Variants in PDE1A observed in about 807,000 individuals in gnomAD.
The protein encoded by PDE1A is dual specificity calcium/calmodulin-dependent 3',5'-cyclic nucleotide phosphodiesterase 1A.
A neutral mutation model predicts 61.7 loss-of-function variants in PDE1A; 35 were observed. The ratio of observed to expected loss-of-function variants is 0.57; its 90% CI spans 0.43 to 0.75. The LOEUF (loss-of-function observed/expected upper bound fraction) is 0.75, where lower values mean the gene tolerates loss of function less well. Among genes scored for constraint, PDE1A ranks in the 30% least tolerant of loss-of-function variants. The pLI is 0.00. For missense variants in PDE1A, 597 were observed against 630.6 expected (o/e 0.95, Z 0.57); for synonymous variants, 232 against 213.2 (o/e 1.09, Z -0.77).
chr2:182,333,704 G>T (rs2124971906), intron 1 of PDE1A, among the ~76,000 whole-genome samples: 1 of 152,208 alleles, frequency 6.6e-6, no homozygotes, highest in African/African-American at 2.4e-5. Context: ...TCAAAAGCTA[G>T]CAGAAGACAA....
the PDE1A span, among the ~76,000 whole-genome samples, chr2:182,546,464 C>T: frequency 1.1e-3 from 160 of 152,222 alleles, no homozygotes; most frequent in African/African-American, 3.6e-3. Flanking sequence ...TATCAGAGGG[C>T]TGTGCATCAA....
At chr2:182,275,820 T>A (rs1693369361) in intron 1 of PDE1A, among the ~76,000 whole-genome samples, 1 of 152,144 alleles carries the variant, frequency 6.6e-6, no homozygotes. Flanking sequence ...TTCTAAATGC[T>A]CTTTCAACCA....
intron 1 of PDE1A, among the ~76,000 whole-genome samples, chr2:182,334,002 C>T (rs979664378): frequency 1.2e-4 from 18 of 152,088 alleles, no homozygotes; most frequent in Non-Finnish European, 4.4e-5. Flanking sequence ...AATTCCTGGA[C>T]ACATACACTA....
rs549478306 is a variant in PDE1A, at chr2:182,487,600, A to T, written c.101+34676T>A. On this transcript the variant is annotated intron_variant, in intron 2 of 14. Coordinates refer to the PDE1A transcript ENST00000410103. ...TCAAAGGAATGAAGTTCTGATATCC[A>T]CTACAAAAACACTGAGAACTGCATA... Among the ~76,000 whole-genome samples, 84 of 152,296 alleles carry T rather than the reference A, an allele frequency of 5.5e-4. No homozygotes were observed. The South Asian group carries it at 0.017, about 31-fold the overall frequency.
intron 2 of PDE1A, among the ~76,000 whole-genome samples, chr2:182,517,109 G>A (rs1690251576): frequency 6.6e-6 from 1 of 152,118 alleles, no homozygotes; most frequent in Admixed American, 6.6e-5. Flanking sequence ...CTTTTCTGGT[G>A]TCTTCTGAGA....
At chr2:182,694,753 T>C in the PDE1A span, among the ~76,000 whole-genome samples, 1 of 143,474 alleles carries the variant, frequency 7.0e-6, no homozygotes, top group East Asian at 2.1e-4. Flanking sequence ...CCTGAGAAAA[T>C]GGATTATGGA....
the PDE1A span, among the ~76,000 whole-genome samples, chr2:182,651,842 G>C: frequency 6.6e-6 from 1 of 152,144 alleles, no homozygotes; most frequent in African/African-American, 2.4e-5. Context: ...TCACAAGGCT[G>C]TGATGGCAGG....
At chr2:182,206,322 C>T (rs1344560089) in intron 7 of PDE1A, among the ~76,000 whole-genome samples, 1 of 152,180 alleles carries the variant, frequency 6.6e-6, no homozygotes, top group African/African-American at 2.4e-5. Context: ...TCTTCTACCA[C>T]ACATGCGTAA....
At chr2:182,158,926 T>C (rs756032901) in intron 13 of PDE1A, among the ~76,000 whole-genome samples, 3 of 152,140 alleles carry the variant, frequency 2.0e-5, no homozygotes, top group African/African-American at 7.2e-5. Flanking sequence ...TCAAATACTT[T>C]AGTTATACAT....
chr2:182,645,583 G>C, the PDE1A span, among the ~76,000 whole-genome samples: 141 of 152,130 alleles, frequency 9.3e-4, 1 homozygote, highest in Non-Finnish European at 1.5e-3. Context: ...GAGCTTGTCA[G>C]ATATTCAGAT....
chr2:182,352,790 CA>C (rs1367696012), intron 1 of PDE1A, among the ~76,000 whole-genome samples: 1 of 151,064 alleles, frequency 6.6e-6, no homozygotes, highest in Non-Finnish European at 1.5e-5. Context: ...ATTTTGTAAA[CA>C]AAACACAACT....
At chr2:182,437,172 G>A (rs549717835) in intron 2 of PDE1A, among the ~76,000 whole-genome samples, 17 of 151,888 alleles carry the variant, frequency 1.1e-4, no homozygotes, top group Middle Eastern at 3.4e-3. Context: ...GAACAAAAGT[G>A]GATAAACAAA....
the PDE1A span, among the ~76,000 whole-genome samples, chr2:182,707,916 T>G: frequency 6.6e-6 from 1 of 152,076 alleles, no homozygotes; most frequent in Non-Finnish European, 1.5e-5. Context: ...TACAGCTAGG[T>G]AGGATGACTA....
chr2:182,509,148 G>C (rs1280948578), intron 2 of PDE1A, among the ~76,000 whole-genome samples: 2 of 152,124 alleles, frequency 1.3e-5, no homozygotes, highest in African/African-American at 4.8e-5. Flanking sequence ...TTTCTTGGTT[G>C]TTTGGTGTAC....
At chr2:182,328,666 T>A (rs113619314) in intron 1 of PDE1A, among the ~76,000 whole-genome samples, 2 of 152,098 alleles carry the variant, frequency 1.3e-5, no homozygotes, top group South Asian at 4.2e-4. Flanking sequence ...GTCTAGAGGA[T>A]GACCACGGGA....
the PDE1A span, among the ~76,000 whole-genome samples, chr2:182,647,587 G>A: frequency 6.6e-6 from 1 of 152,146 alleles, no homozygotes; most frequent in African/African-American, 2.4e-5. Context: ...CTTCTGCAGG[G>A]ATAAAATGGA....
the PDE1A span, among the ~76,000 whole-genome samples, chr2:182,554,112 T>C: frequency 1.3e-5 from 2 of 152,140 alleles, no homozygotes; most frequent in South Asian, 4.1e-4. Context: ...GAGAAAGGAC[T>C]ATAATACTTA....
chr2:182,203,262 G>A (rs1172474969), intron 8 of PDE1A, among the ~76,000 whole-genome samples: 2 of 152,150 alleles, frequency 1.3e-5, no homozygotes, highest in Admixed American at 6.5e-5. Flanking sequence ...AGAGCTTGCA[G>A]TGAGCCGAGA....
In PDE1A at chr2:182,367,191, A is replaced by AT. The variant is rs552291643; in HGVS notation, c.53+59386dup. On this transcript the variant is annotated intron_variant, in intron 1 of 13. Transcript: ENST00000351439. ...TTGATTTAGAAGTCATATGGAAAAG[A>AT]TTTTTTTAAAATGACAGCTGAGTTT... 2.2e-4 allele frequency among the ~76,000 whole-genome samples: 34 copies of AT among 152,022 alleles called. 1 individual carries two copies. The highest frequency in any genetic ancestry group is 4.0e-4 in the Non-Finnish European group (27 of 67,930).
Sources: allele counts gnomAD v4.1 joint callset (sites outside exome capture counted in the v4.1 genomes callset), GRCh38; gene constraint gnomAD v4.1.1; transcripts MANE v1.5; gene names NCBI Gene and HGNC (gene_info 2026-07-23, HGNC 2026-07-21).